Variants in BRD1 observed in about 807,000 individuals in gnomAD.
The protein encoded by BRD1 is bromodomain-containing protein 1.
In BRD1, 24 loss-of-function variants were observed where a neutral mutation model predicts 107.7. The ratio of observed to expected loss-of-function variants is 0.22; its 90% CI spans 0.16 to 0.31. The LOEUF is 0.31. Ranked by LOEUF, BRD1 falls within the 10% of genes least tolerant of loss-of-function variation. The pLI is 1.00. For synonymous variants in BRD1, 744 were observed against 686.1 expected (o/e 1.08, Z -1.32); for missense variants, 1,279 against 1,638.6 (o/e 0.78, Z 3.79).
intron 2 of BRD1, among the ~76,000 whole-genome samples, chr22:49,814,595 G>C (rs570340881): frequency 1.6e-3 from 240 of 152,370 alleles, no homozygotes; most frequent in Non-Finnish European, 3.0e-3. Context: ...ACTCTATGTA[G>C]AGCACCTGGG....
At chr22:49,776,547 C>G (rs1306985692) in intron 10 of BRD1, among the ~76,000 whole-genome samples, 2 of 152,268 alleles carry the variant, frequency 1.3e-5, no homozygotes, top group African/African-American at 2.4e-5. Flanking sequence ...TCCCCCTCCG[C>G]CAGACCAGCT....
rs1440112219 is a variant in BRD1, at chr22:49,792,442, T to C, written c.2359+1592A>G. 6.6e-6 allele frequency among the ~76,000 whole-genome samples: 1 copy of C among 151,914 alleles called. No homozygotes were observed. Among genetic ancestry groups the C allele is most frequent in the Admixed American group, 6.6e-5 (1 of 15,258 alleles). ...CACCAGCCTGGACTCCTGGGCACAA[T>C]GGGGCGGCCCAGGGCCCGGACAGGT... On this transcript the variant is annotated intron_variant, in intron 7 of 12. Transcript: ENST00000404760. The surrounding 1 kb of genome is among the most constrained non-coding windows in gnomAD (Gnocchi z 4.2).
chr22:49,819,385 T>C (rs1055922761), intron 2 of BRD1, among the ~76,000 whole-genome samples: 2 of 151,552 alleles, frequency 1.3e-5, no homozygotes, highest in Non-Finnish European at 2.9e-5. Flanking sequence ...TGACCCCATC[T>C]CACCAAAAAA....
At position 49,792,032 on chromosome 22, in the gene BRD1, T is replaced by A. The variant is rs1183053055; in HGVS notation, c.2359+2002A>T. ...GGCTCCTGCTAAGCGTTGGGTGTTATGAGGAGCCACGCTCACCACAGCGGA... is the reference window on the plus strand; with the variant it reads ...GGCTCCTGCTAAGCGTTGGGTGTTAAGAGGAGCCACGCTCACCACAGCGGA... On this transcript the variant is annotated intron_variant, in intron 7 of 12. Coordinates refer to ENST00000404760, the MANE Select transcript of BRD1 (RefSeq NM_001304808.3). This position sits in a 1 kb window ranked among gnomAD's most constrained non-coding sequence, Gnocchi z 4.2. Among the ~76,000 whole-genome samples the A allele has an allele frequency of 3.3e-5, 5 of 152,258 alleles. No homozygotes were observed. In the South Asian group the frequency reaches 8.3e-4, roughly 25 times the overall value.
At position 49,824,383 on chromosome 22, in the gene BRD1, C is replaced by T. The variant is rs1353262813; in HGVS notation, c.-14-52G>A. ...ATTCTACGCAGGGTGACCAAAGACT[C>T]GAGAAAACCACAAAAGCATGCTTGG... On this transcript the variant is annotated intron_variant, in intron 1 of 12. Transcript: ENST00000404760. The surrounding 1 kb of genome is among the most constrained non-coding windows in gnomAD (Gnocchi z 5.9). 32 of 1,581,248 alleles carry T rather than the reference C, an allele frequency of 2.0e-5. No homozygotes were observed. Among genetic ancestry groups the T allele is most frequent in the African/African-American group, 1.2e-4 (9 of 73,874 alleles).
rs1197220224 is a variant in BRD1 at position 49,823,949 on chromosome 22, G to A, written c.369C>T (p.Arg123=). 6.2e-7 allele frequency: 1 copy of A among 1,614,044 alleles called. No homozygotes were observed. Among genetic ancestry groups the A allele is most frequent in the South Asian group, 1.1e-5 (1 of 91,094 alleles). Residue 123 remains arginine, a synonymous_variant, in exon 2 of 13, where the codon CGC becomes CGT. Transcript: ENST00000404760. The stretch of plus-strand genomic sequence containing the variant: ...CGGACGGAGGGCTGTACTCCACGAT[G>A]CGCACCTTGGGCTCCGGGAGGGCAC... ...SASALPEPKV[R]IVEYSPPSAP...
intron 7 of BRD1, among the ~76,000 whole-genome samples, 178 bp downstream of exon 7, chr22:49,793,856 A>C (rs531156612): frequency 6.6e-6 from 1 of 152,384 alleles, no homozygotes; most frequent in South Asian, 2.1e-4. Context: ...CTTAAAAGGA[A>C]ACAACAGCCC....
rs571172880 is a variant in BRD1 at position 49,777,320 on chromosome 22, G to A, written c.2994-159C>T. Among the ~76,000 whole-genome samples, 83 of 152,358 alleles carry A rather than the reference G, an allele frequency of 5.4e-4. 1 individual carries two copies. The highest frequency in any genetic ancestry group is 1.9e-3 in the African/African-American group (77 of 41,586). On this transcript the variant is annotated intron_variant, in intron 9 of 12. Coordinates refer to ENST00000404760, the MANE Select transcript of BRD1 (RefSeq NM_001304808.3). ...GTGGGTGCGCAGGTCTGGAGGGAGT[G>A]AACCTGTGGCAGGGGGGACTCAGGA... is the stretch of plus-strand genomic sequence containing the variant.
At chr22:49,801,373 AC>A (rs141777348) in intron 3 of BRD1, among the ~76,000 whole-genome samples, 3,743 of 152,190 alleles carry the variant, frequency 0.025, 95 homozygotes, top group South Asian at 0.063. Context: ...CTCTCAAGAG[AC>A]CCCGTCCAGT....
At chr22:49,776,892 C>T (rs913114920) in intron 10 of BRD1, 142 bp downstream of exon 10, 2 of 1,243,828 alleles carry the variant, frequency 1.6e-6, no homozygotes, top group East Asian at 2.4e-5. Flanking sequence ...GTGTGATGAA[C>T]CCTTCCCCGG....
In BRD1 at chr22:49,774,116, G is replaced by A; in HGVS notation, c.*117C>T. 1 of 1,351,072 alleles carries A rather than the reference G, an allele frequency of 7.4e-7. No homozygotes were observed. The highest frequency in any genetic ancestry group is 9.8e-7 in the Non-Finnish European group (1 of 1,018,176). The allele number at this position is 1,351,072 out of a possible 1,614,324, so 83.7% of individuals were successfully genotyped here. ...GGAAATAAAACCTCCCCCCTCCCCG[G>A]GGAAAAAGAATTAAAGAGCTATAAC... On this transcript the variant is annotated 3_prime_UTR_variant, in exon 13 of 13. Coordinates refer to ENST00000404760, the MANE Select transcript of BRD1 (RefSeq NM_001304808.3).
In BRD1 at chr22:49,777,274, C is replaced by G. The variant is rs2059119998; in HGVS notation, c.2994-113G>C. On this transcript the variant is annotated intron_variant, in intron 9 of 12. Coordinates refer to ENST00000404760, the MANE Select transcript of BRD1 (RefSeq NM_001304808.3). ...AGCTGGCCACGCATCCTGCCTGACACCCCCGCGGCCAGACGGGCCTGTGGG... is the reference window on the plus strand; with the variant it reads ...AGCTGGCCACGCATCCTGCCTGACAGCCCCGCGGCCAGACGGGCCTGTGGG... 1.5e-5 allele frequency: 22 copies of G among 1,508,820 alleles called. 1 individual carries two copies. In the South Asian group the frequency reaches 2.4e-4, roughly 17 times the overall value. 93.5% of individuals were successfully genotyped at this position (1,508,820 alleles called of 1,614,324 possible). A position where few individuals can be genotyped will look rare whatever the true frequency, so the allele number is the denominator to read the frequency against.
At chr22:49,777,005 A>C (rs1158776790) in intron 10 of BRD1, 29 bp downstream of exon 10, 2 of 1,612,312 alleles carry the variant, frequency 1.2e-6, no homozygotes, top group East Asian at 4.5e-5. Context: ...AGGTGTGGAG[A>C]GCCATGGAGG....
chr22:49,817,827 T>TA (rs2059983428), intron 2 of BRD1: 1 of 152,444 alleles, frequency 6.6e-6, no homozygotes. Context: ...CAAAACCCCT[T>TA]AGAGACAGGG....
At chr22:49,810,991 A>T (rs2059838839) in intron 2 of BRD1, among the ~76,000 whole-genome samples, 1 of 152,252 alleles carries the variant, frequency 6.6e-6, no homozygotes, top group African/African-American at 2.4e-5. Flanking sequence ...AGTAGGAAAA[A>T]AACAAACATC....
intron 8 of BRD1, among the ~76,000 whole-genome samples, chr22:49,778,258 T>C (rs7291527): frequency 0.084 from 12,729 of 152,230 alleles, 644 homozygotes; most frequent in South Asian, 0.16. Flanking sequence ...CACAAAAACA[T>C]GTTCACAGGA....
At chr22:49,791,995 A>G (rs2059443922) in intron 7 of BRD1, among the ~76,000 whole-genome samples, 1 of 152,160 alleles carries the variant, frequency 6.6e-6, no homozygotes. Flanking sequence ...AGCAACAAAA[A>G]TGGTCTCCAA....
At chr22:49,814,219 G>T (rs1025778453) in intron 2 of BRD1, among the ~76,000 whole-genome samples, 1 of 152,214 alleles carries the variant, frequency 6.6e-6, no homozygotes, top group Non-Finnish European at 1.5e-5. Context: ...CACTAAAAAT[G>T]AAAAGATACA....
intron 7 of BRD1, among the ~76,000 whole-genome samples, chr22:49,790,021 C>A (rs551440547): frequency 3.3e-5 from 5 of 152,350 alleles, no homozygotes; most frequent in African/African-American, 1.2e-4. Context: ...TGCGGCAGCT[C>A]CACATGCAGG....
Sources: allele counts gnomAD v4.1 joint callset (sites outside exome capture counted in the v4.1 genomes callset), GRCh38; gene constraint gnomAD v4.1.1; non-coding constraint Gnocchi (gnomAD v3.1); transcripts MANE v1.5; gene names NCBI Gene and HGNC (gene_info 2026-07-23, HGNC 2026-07-21).